Variants in HORMAD2 observed in about 807,000 individuals in gnomAD.
HORMAD2 encodes the protein HORMA domain containing 2.
In HORMAD2, 45 loss-of-function variants were observed where a neutral mutation model predicts 38.8. That is an observed-to-expected ratio of 1.16 (90% confidence interval 0.91 to 1.49). HORMAD2 has a LOEUF of 1.49. Among genes scored for constraint, HORMAD2 ranks in the 40% most tolerant of loss-of-function variants. HORMAD2 has a pLI of 0.00. For synonymous variants in HORMAD2, 126 were observed against 122.8 expected, an observed-to-expected ratio of 1.03 and a Z score of -0.17; for missense variants, 338 against 367.0, an observed-to-expected ratio of 0.92 and a Z score of 0.65.
chr22:30,087,499 G>T (rs1343195030), intron 1 of HORMAD2, among the ~76,000 whole-genome samples: 1 of 152,074 alleles, frequency 6.6e-6, no homozygotes, highest in Admixed American at 6.6e-5. Context: ...AAAAAGAAGA[G>T]CTCTGTTTTA....
rs17648606 is a variant in HORMAD2, at chr22:30,120,480, C to G, written c.411-1152C>G. On this transcript the variant is annotated intron_variant, in intron 8 of 10. Transcript: ENST00000336726. Reference sequence around the variant, plus strand: ...TTAGGGTTATTTTTCATATTAAGAGCTAACTATGTGCACAGCCATGTGTAA... The same window carrying G: ...TTAGGGTTATTTTTCATATTAAGAGGTAACTATGTGCACAGCCATGTGTAA... 9.2e-3 allele frequency among the ~76,000 whole-genome samples: 1,394 copies of G among 152,288 alleles called. 12 individuals carry two copies. Among genetic ancestry groups the G allele is most frequent in the Middle Eastern group, 0.037 (11 of 294 alleles).
chr22:30,150,256 C>T (rs9620953), intron 10 of HORMAD2, among the ~76,000 whole-genome samples: 30,873 of 151,846 alleles, frequency 0.2, 3,724 homozygotes, highest in Middle Eastern at 0.38. Flanking sequence ...TTGTTGTGTT[C>T]TTGGGGAGAA....
intron 1 of HORMAD2, among the ~76,000 whole-genome samples, chr22:30,081,637 G>A (rs538231583): frequency 9.2e-5 from 14 of 151,906 alleles, no homozygotes; most frequent in African/African-American, 2.4e-4. Flanking sequence ...GTGCAGTGAC[G>A]CAATCTCAGC....
the HORMAD2 span, among the ~76,000 whole-genome samples, chr22:30,193,995 GC>G: frequency 6.6e-6 from 1 of 152,142 alleles, no homozygotes; most frequent in Admixed American, 6.5e-5. Context: ...GTCAGAAGGG[GC>G]CTTGGTCACT....
chr22:30,112,742 A>G (rs1186970659), intron 7 of HORMAD2, among the ~76,000 whole-genome samples: 1 of 152,118 alleles, frequency 6.6e-6, no homozygotes, highest in Non-Finnish European at 1.5e-5. Flanking sequence ...GGCATTGAGA[A>G]GAACTGAGCT....
At chr22:30,095,977 G>A (rs73400675) in intron 2 of HORMAD2, among the ~76,000 whole-genome samples, 6,897 of 151,872 alleles carry the variant, frequency 0.045, 520 homozygotes, top group African/African-American at 0.16. Context: ...CCACCATCTT[G>A]ACATCTAACA....
At chr22:30,201,412 CTTTTT>C in the HORMAD2 span, among the ~76,000 whole-genome samples, 1 of 121,086 alleles carries the variant, frequency 8.3e-6, no homozygotes, top group African/African-American at 3.4e-5. Flanking sequence ...AGAGTTAAGA[CTTTTT>C]TTTTTTTTTT....
At chr22:30,129,423 A>G (rs1923126886) in intron 10 of HORMAD2, among the ~76,000 whole-genome samples, 2 of 151,980 alleles carry the variant, frequency 1.3e-5, no homozygotes, top group South Asian at 4.1e-4. Flanking sequence ...ATATTAACTA[A>G]CAATTTCGAG....
intron 10 of HORMAD2, among the ~76,000 whole-genome samples, chr22:30,158,955 T>C (rs1601586527): frequency 6.6e-6 from 1 of 151,996 alleles, no homozygotes; most frequent in Non-Finnish European, 1.5e-5. Flanking sequence ...AAAGTTCTGG[T>C]ATTACAGGCA....
chr22:30,094,112 A>T (rs1423704016), intron 2 of HORMAD2, 109 bp downstream of exon 2: 4 of 744,090 alleles, frequency 5.4e-6, no homozygotes, highest in African/African-American at 1.8e-5. Context: ...TTATCAGTTA[A>T]TTGGCACATA....
chr22:30,088,610 G>A (rs1033079641), intron 1 of HORMAD2, among the ~76,000 whole-genome samples: 3 of 150,796 alleles, frequency 2.0e-5, no homozygotes, highest in African/African-American at 7.3e-5. Flanking sequence ...AAACTATTTA[G>A]TTTTATTAAG....
chr22:30,195,408 A>G, the HORMAD2 span, among the ~76,000 whole-genome samples: 3 of 152,176 alleles, frequency 2.0e-5, no homozygotes, highest in African/African-American at 7.2e-5. Flanking sequence ...CAGGGGCAAG[A>G]CTGTCAAACC....
the HORMAD2 span, among the ~76,000 whole-genome samples, chr22:30,198,607 C>T: frequency 6.6e-6 from 1 of 152,074 alleles, no homozygotes; most frequent in Non-Finnish European, 1.5e-5. Context: ...CCCTCCACTG[C>T]TCTGTAAAAT....
rs539054595 is a variant in HORMAD2 at position 30,164,696 on chromosome 22, G to A, written c.820-11367G>A. 7.2e-5 allele frequency among the ~76,000 whole-genome samples: 11 copies of A among 152,184 alleles called. No individual in the cohort carries two copies. In the South Asian group the frequency reaches 2.3e-3, roughly 32 times the overall value. On this transcript the variant is annotated intron_variant, in intron 10 of 10. Coordinates refer to ENST00000336726, the MANE Select transcript of HORMAD2 (RefSeq NM_152510.4). ...ATTTTAAGAGACAGCGTCTCACTAT[G>A]TTGCCCAGGCTGGTCCCAAACTCCT...
chr22:30,125,108 C>T (rs543121324), intron 10 of HORMAD2, among the ~76,000 whole-genome samples: 110 of 151,812 alleles, frequency 7.2e-4, no homozygotes, highest in Middle Eastern at 3.4e-3. Context: ...TTTATCTTTT[C>T]CTCAATGGTT....
At chr22:30,138,110 C>G (rs1420695006) in intron 10 of HORMAD2, among the ~76,000 whole-genome samples, 1 of 152,104 alleles carries the variant, frequency 6.6e-6, no homozygotes, top group Admixed American at 6.5e-5. Context: ...CTAGTGGGTG[C>G]AAAGTAAGTG....
At chr22:30,181,005 C>T (rs1435772217), downstream of HORMAD2, among the ~76,000 whole-genome samples, 2 of 137,756 alleles carry the variant, frequency 1.5e-5, no homozygotes, top group African/African-American at 2.6e-5. Context: ...CCCTAACCTA[C>T]CCTACCCTAC....
intron 3 of HORMAD2, among the ~76,000 whole-genome samples, chr22:30,099,464 T>C (rs566088723): frequency 6.6e-6 from 1 of 152,298 alleles, no homozygotes; most frequent in South Asian, 2.1e-4. Flanking sequence ...ATTATTCTAA[T>C]CAGTTCTGGC....
At chr22:30,196,126 C>G in the HORMAD2 span, among the ~76,000 whole-genome samples, 1 of 152,240 alleles carries the variant, frequency 6.6e-6, no homozygotes, top group East Asian at 1.9e-4. Context: ...GTAATCCCCT[C>G]AATCCAAAGG....
Sources: allele counts gnomAD v4.1 joint callset (sites outside exome capture counted in the v4.1 genomes callset), GRCh38; gene constraint gnomAD v4.1.1; transcripts MANE v1.5; gene names NCBI Gene and HGNC (gene_info 2026-07-23, HGNC 2026-07-21).